Variants in FKBP10 observed in about 807,000 individuals in gnomAD.
FKBP10 encodes FKBP prolyl isomerase 10, also known as peptidyl-prolyl cis-trans isomerase FKBP10.
FKBP10 carries 34 observed loss-of-function variants against 53.7 expected under a neutral mutation model. The observed-to-expected ratio is 0.63, with a 90% CI of 0.48 to 0.84. FKBP10 has a LOEUF of 0.84. Ranked by LOEUF, FKBP10 falls within the 40% of genes least tolerant of loss-of-function variation. FKBP10 has a pLI of 0.00. For missense variants in FKBP10, 748 were observed against 797.8 expected, an observed-to-expected ratio of 0.94 and a Z score of 0.75; for synonymous variants, 324 against 335.7, an observed-to-expected ratio of 0.97 and a Z score of 0.38.
chr17:41,819,821 A>G lies in FKBP10; in HGVS notation c.1063+146A>G, dbSNP rs945512792. ...CATGCAGCTTACATCTGGTCACCCC[A>G]TCTGATTCCTGCCACACAGACTCCA... is the stretch of plus-strand genomic sequence containing the variant. On this transcript the variant is annotated intron_variant, in intron 6 of 9. Coordinates refer to ENST00000321562, the MANE Select transcript of FKBP10 (RefSeq NM_021939.4). The G allele has an allele frequency of 7.2e-6, 11 of 1,537,768 alleles. 1 individual carries two copies. Among genetic ancestry groups the G allele is most frequent in the African/African-American group, 6.9e-5 (5 of 72,838 alleles).
chr17:41,819,448 C>T (rs781954163), intron 5 of FKBP10, 49 bp downstream of exon 5: 16 of 1,613,566 alleles, frequency 9.9e-6, no homozygotes, highest in Admixed American at 6.7e-5. Context: ...GAAACGTGGA[C>T]GAAGCTGGGG....
chr17:41,819,225 C>T lies in FKBP10; in HGVS notation c.743C>T (p.Pro248Leu). The T allele has an allele frequency of 6.2e-7, 1 of 1,614,166 alleles. No homozygotes were observed. Among genetic ancestry groups the T allele is most frequent in the Non-Finnish European group, 8.5e-7 (1 of 1,180,026 alleles). The change falls in exon 5 of 10, where the codon CCA becomes CTA. Residue 248 changes from proline to leucine, a missense_variant. Physicochemically the swap from Pro to Leu is moderately conservative, Grantham distance 98 (BLOSUM62 -3). Coordinates refer to ENST00000321562, the MANE Select transcript of FKBP10 (RefSeq NM_021939.4). ...CCTTCCCCAGGGACAGTGATCCCCC[C>T]ACAGGCCTCGCTGGTCTTTCACGTC... ...GEKGYGTVIP[P>L]QASLVFHVLL... is the part of the protein sequence containing the mutation.
At chr17:41,819,103 G>A in intron 4 of FKBP10, 107 bp from the exon 5 acceptor site, 2 of 1,166,278 alleles carry the variant, frequency 1.7e-6, no homozygotes, top group East Asian at 4.7e-5. Flanking sequence ...AAGGGCTCTG[G>A]AGAGTGGGGC....
At chr17:41,822,085 C>T (rs1295992957) in intron 9 of FKBP10, 138 bp from the exon 10 acceptor site, 1 of 941,264 alleles carries the variant, frequency 1.1e-6, no homozygotes, top group East Asian at 2.6e-5. Flanking sequence ...TTTCCCAGCC[C>T]TTCCTGAGTT....
In FKBP10 at chr17:41,818,125, A is replaced by G. The variant is rs1490313037; in HGVS notation, c.428A>G (p.Asp143Gly). 3.1e-6 allele frequency: 5 copies of G among 1,613,464 alleles called. No homozygotes were observed. The African/African-American group carries it at 6.7e-5, about 22-fold the overall frequency. The change falls in exon 3 of 10, where the codon GAT becomes GGT. Residue 143 changes from aspartate (D) to glycine (G), a missense_variant. Coordinates refer to ENST00000321562, the MANE Select transcript of FKBP10 (RefSeq NM_021939.4). ...CCACCGGATGCCACCCTCTACTTCG[A>G]TGTGGTTCTGCTGGATGTGTGGAAC... Reference protein sequence around the residue: ...LIPPDATLYFDVVLLDVWNKE... With the variant: ...LIPPDATLYFGVVLLDVWNKE...
intron 7 of FKBP10, 182 bp from the exon 8 acceptor site, chr17:41,820,765 C>A: frequency 1.2e-6 from 1 of 851,342 alleles, no homozygotes. Context: ...GGGGCAGAGG[C>A]AAGATGAGAA....
At chr17:41,814,037 C>T (rs2144044620) in intron 1 of FKBP10, among the ~76,000 whole-genome samples, 2 of 152,272 alleles carry the variant, frequency 1.3e-5, no homozygotes, top group South Asian at 4.1e-4. Context: ...CTGGTCTGAC[C>T]CAGGCCTTTG....
intron 1 of FKBP10, among the ~76,000 whole-genome samples, chr17:41,816,735 G>A (rs948786741): frequency 1.3e-5 from 2 of 152,124 alleles, no homozygotes; most frequent in Admixed American, 1.3e-4. Flanking sequence ...CGTGCTGTAC[G>A]TACCACTCCC....
In FKBP10 at chr17:41,821,106, A is replaced by T. The variant is rs782088896; in HGVS notation, c.1399+17A>T. The stretch of plus-strand genomic sequence containing the variant: ...AGAGTGGAGGTGAGGGGCTGAGACC[A>T]TAATCTTTTTTTTTTTTTTTTTTTT... On this transcript the variant is annotated intron_variant, in intron 8 of 9. Coordinates refer to ENST00000321562, the MANE Select transcript of FKBP10 (RefSeq NM_021939.4). 18 of 1,022,594 alleles carry T rather than the reference A, an allele frequency of 1.8e-5. No individual in the cohort carries two copies. Among genetic ancestry groups the T allele is most frequent in the Middle Eastern group, 3.1e-4 (1 of 3,204 alleles). The allele number at this position is 1,022,594 out of a possible 1,614,324, so 63.3% of individuals were successfully genotyped here.
chr17:41,819,997 AGT>A lies in FKBP10; in HGVS notation c.1064-270_1064-269del, dbSNP rs2047869776. The stretch of plus-strand genomic sequence containing the variant: ...GGAGCCTCAGTGTCCTCACCTGTCA[AGT>A]GGGCAAGCCATGCTGATCCGCAGGG... On this transcript the variant is annotated intron_variant, in intron 6 of 9. Transcript: ENST00000321562. 3 of 1,514,078 alleles carry A rather than the reference AGT, an allele frequency of 2.0e-6. No individual in the cohort carries two copies. The East Asian group carries it at 7.7e-5, about 39-fold the overall frequency. 93.8% of individuals were successfully genotyped at this position (1,514,078 alleles called of 1,614,324 possible).
chr17:41,819,326 A>T lies in FKBP10; in HGVS notation c.844A>T (p.Arg282Ter). The T allele has an allele frequency of 1.2e-6, 2 of 1,613,902 alleles. No individual in the cohort carries two copies. The highest frequency in any genetic ancestry group is 4.5e-5 in the East Asian group (2 of 44,866). ...GGAGCTCCCCCCCGGCTGTGTCCGC[A>T]GAGCCGGGGCCGGGGACTTCATGCG... is the stretch of plus-strand genomic sequence containing the variant. ...TLELPPGCVR[R>*]AGAGDFMRYH... Residue 282 changes from arginine (R) to a stop codon, truncating the protein, a stop_gained, in exon 5 of 10, where the codon AGA becomes TGA. Coordinates refer to ENST00000321562, the MANE Select transcript of FKBP10 (RefSeq NM_021939.4). LOFTEE classifies it high-confidence loss of function.
chr17:41,817,912 A>G (rs1184847296), intron 2 of FKBP10, among the ~76,000 whole-genome samples, 177 bp from the exon 3 acceptor site: 2 of 151,710 alleles, frequency 1.3e-5, no homozygotes, highest in African/African-American at 2.4e-5. Flanking sequence ...AACAGGCATG[A>G]GCCACTGTGT....
chr17:41,821,097 G>C lies in FKBP10; in HGVS notation c.1399+8G>C. The C allele has an allele frequency of 6.5e-7, 1 of 1,544,610 alleles. No homozygotes were observed. The highest frequency in any genetic ancestry group is 8.7e-7 in the Non-Finnish European group (1 of 1,146,090). On this transcript the variant is annotated splice_region_variant and intron_variant, in intron 8 of 9. Transcript: ENST00000321562. ...CCCACGGGGAGAGTGGAGGTGAGGG[G>C]CTGAGACCATAATCTTTTTTTTTTT...
chr17:41,819,778 T>G (rs556469640), intron 6 of FKBP10, 103 bp downstream of exon 6: 1 of 1,543,894 alleles, frequency 6.5e-7, no homozygotes, highest in African/African-American at 1.4e-5. Context: ...GCTCGGCCCC[T>G]CTCATCACAA....
At chr17:41,819,729 G>A in intron 6 of FKBP10, 54 bp downstream of exon 6, 1 of 1,563,568 alleles carries the variant, frequency 6.4e-7, no homozygotes, top group African/African-American at 1.4e-5. Context: ...TGCCCATTGT[G>A]TCTAGGCCAC....
Position 41,822,489 on chromosome 17 carries a change from G to A in FKBP10, c.*81G>A. ...TGGCGGTGGGACTGACCTGCTGACA[G>A]TCACCCTCCCTCTGCTGGGATGAGG... On this transcript the variant is annotated 3_prime_UTR_variant, in exon 10 of 10. Coordinates refer to ENST00000321562, the MANE Select transcript of FKBP10 (RefSeq NM_021939.4). 1 of 1,474,934 alleles carries A rather than the reference G, an allele frequency of 6.8e-7. No individual in the cohort carries two copies. The allele number at this position is 1,474,934 out of a possible 1,614,324, so 91.4% of individuals were successfully genotyped here.
chr17:41,818,845 C>G lies in FKBP10; in HGVS notation c.727+318C>G, dbSNP rs564438175. On this transcript the variant is annotated intron_variant, in intron 4 of 9. Coordinates refer to ENST00000321562, the MANE Select transcript of FKBP10 (RefSeq NM_021939.4). ...GTGGGGGCGCCTGTAGTCCCAGCTA[C>G]TCGGAGAGGCTGAGGCAGGAAAATG... 9.5e-6 allele frequency: 4 copies of G among 419,818 alleles called. No individual in the cohort carries two copies. In the East Asian group the frequency reaches 1.6e-4, roughly 17 times the overall value. 26.0% of individuals were successfully genotyped at this position (419,818 alleles called of 1,614,324 possible). A position where few individuals can be genotyped will look rare whatever the true frequency, so the allele number is the denominator to read the frequency against.
At chr17:41,815,158 T>G (rs542334722) in intron 1 of FKBP10, among the ~76,000 whole-genome samples, 1 of 152,196 alleles carries the variant, frequency 6.6e-6, no homozygotes, top group South Asian at 2.1e-4. Flanking sequence ...GGGTGGGTAT[T>G]ATAAGAAGAC....
At chr17:41,818,004 G>A in intron 2 of FKBP10, 85 bp from the exon 3 acceptor site, 1 of 1,380,592 alleles carries the variant, frequency 7.2e-7, no homozygotes, top group Non-Finnish European at 1.0e-6. Flanking sequence ...GCTGGGATGA[G>A]AGGAAGGGGA....
Sources: allele counts gnomAD v4.1 joint callset (sites outside exome capture counted in the v4.1 genomes callset), GRCh38; gene constraint gnomAD v4.1.1; transcripts MANE v1.5; gene names NCBI Gene and HGNC (gene_info 2026-07-23, HGNC 2026-07-21).